The following MYOM1 variants were observed in gnomAD, a reference collection of about 807,000 sequenced individuals.
MYOM1 encodes myomesin 1.
Under a neutral mutation model 205.3 loss-of-function variants are expected in MYOM1, and 164 were observed. The ratio of observed to expected loss-of-function variants is 0.80; its 90% CI spans 0.70 to 0.91. The LOEUF is 0.91. Ranked by LOEUF, MYOM1 falls within the 40% of genes least tolerant of loss-of-function variation. The pLI is 0.00. For synonymous variants in MYOM1, 772 were observed against 789.4 expected (o/e 0.98, Z 0.37); for missense variants, 2,011 against 2,127.3 (o/e 0.95, Z 1.08).
intron 5 of MYOM1, among the ~76,000 whole-genome samples, chr18:3,181,732 A>ATTTTTT (rs11448786): frequency 3.1e-5 from 4 of 127,084 alleles, no homozygotes; most frequent in Admixed American, 1.7e-4. Flanking sequence ...AAACTGAATA[A>ATTTTTT]TTTTTTTTTT....
intron 19 of MYOM1, among the ~76,000 whole-genome samples, chr18:3,120,616 CCT>C (rs2079675952): frequency 6.6e-6 from 1 of 152,136 alleles, no homozygotes; most frequent in Non-Finnish European, 1.5e-5. Context: ...TGCGCAGACC[CCT>C]GACTCAAGGA....
At chr18:3,125,181 C>T (rs2079760909) in intron 19 of MYOM1, among the ~76,000 whole-genome samples, 1 of 152,142 alleles carries the variant, frequency 6.6e-6, no homozygotes, top group Admixed American at 6.6e-5. Flanking sequence ...ATGGAATTAT[C>T]TAGTAAAGTG....
At chr18:3,204,638 CT>C (rs35727389) in intron 2 of MYOM1, among the ~76,000 whole-genome samples, 8 of 151,850 alleles carry the variant, frequency 5.3e-5, no homozygotes, top group Non-Finnish European at 8.8e-5. Context: ...TAAAATGATA[CT>C]TTTTTTCAAA....
At chr18:3,114,035 C>T (rs567147467) in intron 21 of MYOM1, among the ~76,000 whole-genome samples, 1 of 152,304 alleles carries the variant, frequency 6.6e-6, no homozygotes, top group African/African-American at 2.4e-5. Context: ...TGAACTTTAA[C>T]TTAGTTATAG....
chr18:3,117,648 T>G (rs1399439801), intron 20 of MYOM1, among the ~76,000 whole-genome samples: 1 of 152,006 alleles, frequency 6.6e-6, no homozygotes, highest in Admixed American at 6.6e-5. Flanking sequence ...AAAAATTTAT[T>G]TTTTCCTTTC....
chr18:3,181,918 C>T (rs1259040520), intron 5 of MYOM1, among the ~76,000 whole-genome samples: 1 of 151,662 alleles, frequency 6.6e-6, no homozygotes, highest in Non-Finnish European at 1.5e-5. Flanking sequence ...ACTTTTAGTA[C>T]AGATGGAGTT....
At chr18:3,141,414 A>G (rs137983807) in intron 14 of MYOM1, among the ~76,000 whole-genome samples, 65 of 152,232 alleles carry the variant, frequency 4.3e-4, no homozygotes, top group African/African-American at 1.5e-3. Flanking sequence ...GTGATCCCTG[A>G]CCTCATTCCG....
chr18:3,120,556 A>T (rs924368861), intron 19 of MYOM1, among the ~76,000 whole-genome samples: 1 of 152,164 alleles, frequency 6.6e-6, no homozygotes, highest in African/African-American at 2.4e-5. Context: ...CCCAGCTGAT[A>T]ACCGGATTGC....
intron 25 of MYOM1, among the ~76,000 whole-genome samples, chr18:3,095,367 G>A (rs1322673601): frequency 5.3e-5 from 8 of 152,076 alleles, no homozygotes; most frequent in African/African-American, 1.4e-4. Flanking sequence ...TCAGAAGTTC[G>A]AGACCAGCCT....
At chr18:3,231,747 T>C in the MYOM1 span, among the ~76,000 whole-genome samples, 1 of 151,472 alleles carries the variant, frequency 6.6e-6, no homozygotes, top group Non-Finnish European at 1.5e-5. Context: ...TTTCACCATG[T>C]TGGCCAGGAT....
intron 2 of MYOM1, among the ~76,000 whole-genome samples, chr18:3,208,249 C>T (rs2081149792): frequency 6.6e-6 from 1 of 152,198 alleles, no homozygotes; most frequent in South Asian, 2.1e-4. Flanking sequence ...GTGGCACACA[C>T]CTGTAATCCC....
Position 3,116,522 on chromosome 18 carries a change from G to C in MYOM1, c.3119-7C>G. On this transcript the variant is annotated splice_polypyrimidine_tract_variant and splice_region_variant and intron_variant, in intron 20 of 37. Transcript: ENST00000356443. ...TTGAGACTGTGCGGTGGTCCTGAGA[G>C]AGAGAGAAGCCAATGAGTAGAAATC... is the stretch of plus-strand genomic sequence containing the variant. 6.6e-7 allele frequency: 1 copy of C among 1,510,790 alleles called. No homozygotes were observed. 93.6% of individuals were successfully genotyped at this position (1,510,790 alleles called of 1,614,324 possible). A position where few individuals can be genotyped will look rare whatever the true frequency, so the allele number is the denominator to read the frequency against.
At chr18:3,075,206 C>T (rs1232363637) in intron 36 of MYOM1, among the ~76,000 whole-genome samples, 1 of 152,172 alleles carries the variant, frequency 6.6e-6, no homozygotes, top group Non-Finnish European at 1.5e-5. Context: ...AGAGGTTTCT[C>T]AGGATGTCTG....
At chr18:3,234,736 C>CT in the MYOM1 span, among the ~76,000 whole-genome samples, 1 of 152,076 alleles carries the variant, frequency 6.6e-6, no homozygotes, top group African/African-American at 2.4e-5. Context: ...AAGACACTCC[C>CT]TTTTTTTCTG....
chr18:3,244,522 G>A, the MYOM1 span, among the ~76,000 whole-genome samples: 2 of 152,170 alleles, frequency 1.3e-5, no homozygotes, highest in Non-Finnish European at 2.9e-5. Context: ...GGGAGGCACA[G>A]ACGGGCAGAT....
At chr18:3,244,933 A>G in the MYOM1 span, among the ~76,000 whole-genome samples, 1 of 150,236 alleles carries the variant, frequency 6.7e-6, no homozygotes, top group African/African-American at 2.5e-5. Flanking sequence ...AAAAATAAAA[A>G]TACAAAAAAA....
chr18:3,221,282 A>T (rs557040177), upstream of MYOM1, among the ~76,000 whole-genome samples: 104 of 152,304 alleles, frequency 6.8e-4, no homozygotes, highest in Non-Finnish European at 2.5e-4. Flanking sequence ...AGTCTCACAA[A>T]GTGCTGGAAT....
chr18:3,176,009 G>T, intron 6 of MYOM1, 33 bp downstream of exon 6: 2 of 1,364,320 alleles, frequency 1.5e-6, no homozygotes, highest in Non-Finnish European at 2.1e-6. Flanking sequence ...CTGAGCAATG[G>T]TGAGCAACAC....
intron 36 of MYOM1, 41 bp from the exon 37 acceptor site, chr18:3,071,930 A>G: frequency 6.4e-7 from 1 of 1,569,292 alleles, no homozygotes; most frequent in East Asian, 2.3e-5. Flanking sequence ...TGCAGTGGCA[A>G]GGCCAGCGGT....
Sources: gnomAD v4.1 joint callset for allele counts (sites outside exome capture counted in the v4.1 genomes callset) on GRCh38, gnomAD v4.1.1 for gene constraint, MANE v1.5 for transcripts, NCBI Gene and HGNC (gene_info 2026-07-23, HGNC 2026-07-21) for gene names.